C12orf42: variants seen among roughly 807,000 people sequenced by gnomAD.
The protein encoded by C12orf42 is uncharacterized protein C12orf42.
In C12orf42, 25 loss-of-function variants were observed where a neutral mutation model predicts 21.6. That is an observed-to-expected ratio of 1.16 (90% CI 0.84 to 1.62). The LOEUF is 1.62. C12orf42 is among the 40% of genes most tolerant of loss of function. C12orf42 has a pLI of 0.00. For missense variants in C12orf42, 483 were observed against 459.3 expected (o/e 1.05, Z -0.47); for synonymous variants, 174 against 175.0 (o/e 0.99, Z 0.05).
intron 4 of C12orf42, among the ~76,000 whole-genome samples, chr12:103,283,496 C>T (rs2136321079): frequency 6.6e-6 from 1 of 152,310 alleles, no homozygotes; most frequent in South Asian, 2.1e-4. Context: ...GGGGTCTGGC[C>T]TCCACTAACT....
At chr12:103,195,847 T>G in the C12orf42 span, among the ~76,000 whole-genome samples, 7 of 152,180 alleles carry the variant, frequency 4.6e-5, no homozygotes, top group Non-Finnish European at 1.0e-4. Flanking sequence ...GTCTTTATCA[T>G]GAAATCTTTG....
At position 103,302,162 on chromosome 12, in the gene C12orf42, A is replaced by C. The variant is rs758623634; in HGVS notation, c.1029T>G (p.His343Gln). 3 of 1,350,052 alleles carry C rather than the reference A, an allele frequency of 2.2e-6. No homozygotes were observed. The highest frequency in any genetic ancestry group is 2.9e-5 in the African/African-American group (2 of 68,944). 83.6% of individuals were successfully genotyped at this position (1,350,052 alleles called of 1,614,324 possible). A position where few individuals can be genotyped will look rare whatever the true frequency, so the allele number is the denominator to read the frequency against. Residue 343 changes from histidine to glutamine, a missense_variant, in exon 6 of 6, where the codon CAT (histidine) becomes CAG (glutamine). His to Gln is a conservative substitution (Grantham distance 24). Coordinates refer to ENST00000548883, the MANE Select transcript of C12orf42 (RefSeq NM_198521.5). ...SAPPRPTRRF[H>Q]TVCSQALSRP... ...TAGAAAGGGCCTGTGAACAAACCGTATGGAAACGCCGGGTTGGGCGGGGGG... is the reference window on the plus strand; with the variant it reads ...TAGAAAGGGCCTGTGAACAAACCGTCTGGAAACGCCGGGTTGGGCGGGGGG...
intron 10 of C12orf42, among the ~76,000 whole-genome samples, chr12:103,260,843 A>G (rs2034862617): frequency 6.6e-6 from 1 of 152,162 alleles, no homozygotes; most frequent in African/African-American, 2.4e-5. Flanking sequence ...GTGAAGGTAT[A>G]TTTTGAGACT....
the C12orf42 span, among the ~76,000 whole-genome samples, chr12:103,104,666 C>G: frequency 6.6e-6 from 1 of 152,216 alleles, no homozygotes; most frequent in Non-Finnish European, 1.5e-5. Context: ...GTCTCAATCT[C>G]CTGACCTCAT....
intron 1 of C12orf42, 94 bp from the exon 2 acceptor site, chr12:103,478,541 C>T: frequency 1.8e-6 from 1 of 556,886 alleles, no homozygotes; most frequent in Non-Finnish European, 3.0e-6. Context: ...CCAGAATCAT[C>T]CTATCCATGA....
the C12orf42 span, among the ~76,000 whole-genome samples, chr12:103,510,257 T>TTTC: frequency 1.3e-5 from 2 of 152,160 alleles, no homozygotes; most frequent in Non-Finnish European, 2.9e-5. Context: ...AACTCAGGAA[T>TTTC]AGAAAACCAA....
chr12:103,192,380 G>A, the C12orf42 span, among the ~76,000 whole-genome samples: 1 of 151,908 alleles, frequency 6.6e-6, no homozygotes, highest in Non-Finnish European at 1.5e-5. Context: ...GAGTGTGCCT[G>A]TAGTCCCAGC....
the C12orf42 span, among the ~76,000 whole-genome samples, chr12:103,180,562 T>TATTG: frequency 2.4e-5 from 3 of 122,828 alleles, no homozygotes; most frequent in African/African-American, 1.0e-4. Flanking sequence ...CCTTCTGTGA[T>TATTG]ATTGAGAATT....
chr12:103,255,938 A>G (rs1275923406), intron 10 of C12orf42, among the ~76,000 whole-genome samples: 1 of 149,286 alleles, frequency 6.7e-6, no homozygotes, highest in Non-Finnish European at 1.5e-5. Flanking sequence ...CTGTAGTCCC[A>G]GCTACTCGGG....
At chr12:103,542,989 A>G in the C12orf42 span, among the ~76,000 whole-genome samples, 1 of 152,188 alleles carries the variant, frequency 6.6e-6, no homozygotes, top group South Asian at 2.1e-4. Context: ...TGATGTCACC[A>G]AGGAATGTGT....
chr12:103,507,278 TA>T, the C12orf42 span, among the ~76,000 whole-genome samples: 5 of 82,426 alleles, frequency 6.1e-5, no homozygotes, highest in South Asian at 3.1e-4. Context: ...ATATATTATA[TA>T]TATTTTTTTT....
chr12:103,398,474 TA>T (rs1411308521), intron 3 of C12orf42, among the ~76,000 whole-genome samples: 1 of 152,174 alleles, frequency 6.6e-6, no homozygotes, highest in African/African-American at 2.4e-5. Context: ...ACTTGTCCTT[TA>T]TTTTTGTTTT....
the C12orf42 span, chr12:103,559,821 T>C: frequency 1.3e-5 from 2 of 152,178 alleles, no homozygotes; most frequent in Non-Finnish European, 2.9e-5. Context: ...AATAAGCAAA[T>C]GAGTGAATGG....
the C12orf42 span, among the ~76,000 whole-genome samples, chr12:103,150,751 A>G: frequency 6.6e-6 from 1 of 152,208 alleles, no homozygotes; most frequent in African/African-American, 2.4e-5. Flanking sequence ...TATTTCTAAT[A>G]TAAAAAAATA....
intron 10 of C12orf42, among the ~76,000 whole-genome samples, chr12:103,243,029 A>G (rs922479320): frequency 3.3e-5 from 5 of 152,034 alleles, no homozygotes; most frequent in South Asian, 4.1e-4. Flanking sequence ...ATGTTATGGG[A>G]AATTTTTTTT....
chr12:103,436,695 G>A (rs1950746272), intron 2 of C12orf42, among the ~76,000 whole-genome samples: 1 of 152,072 alleles, frequency 6.6e-6, no homozygotes, highest in Non-Finnish European at 1.5e-5. Context: ...TTAACAAGAA[G>A]AGCTAACTAT....
chr12:103,463,484 G>A (rs1384675677), intron 2 of C12orf42, among the ~76,000 whole-genome samples: 1 of 152,154 alleles, frequency 6.6e-6, no homozygotes, highest in East Asian at 1.9e-4. Flanking sequence ...ACTAAGATGG[G>A]ATGAAAACTG....
the C12orf42 span, among the ~76,000 whole-genome samples, chr12:103,562,115 C>T: frequency 1.4e-3 from 218 of 152,284 alleles, no homozygotes; most frequent in African/African-American, 5.0e-3. Context: ...TCTAACAGTT[C>T]CTTTCCGTAA....
the C12orf42 span, among the ~76,000 whole-genome samples, chr12:103,202,563 C>G: frequency 2.0e-5 from 3 of 152,188 alleles, no homozygotes; most frequent in African/African-American, 7.2e-5. Flanking sequence ...CTTGCCTCAG[C>G]TCATCCATTT....
Sources: gnomAD v4.1 joint callset for allele counts (sites outside exome capture counted in the v4.1 genomes callset) on GRCh38, gnomAD v4.1.1 for gene constraint, MANE v1.5 for transcripts, NCBI Gene and HGNC (gene_info 2026-07-23, HGNC 2026-07-21) for gene names.